The following VPS8 variants were observed in gnomAD, a reference collection of about 807,000 sequenced individuals.
VPS8 encodes the protein vacuolar protein sorting-associated protein 8 homolog.
Under a neutral mutation model 216.4 loss-of-function variants are expected in VPS8, and 129 were observed. The observed-to-expected ratio is 0.60, with a 90% CI of 0.52 to 0.69. The LOEUF is 0.69. Ranked by LOEUF, VPS8 falls within the 30% of genes least tolerant of loss-of-function variation. The pLI, the probability that VPS8 is intolerant of heterozygous loss-of-function variation, is 0.00. For synonymous variants in VPS8, 571 were observed against 565.4 expected (o/e 1.01, Z -0.14); for missense variants, 1,531 against 1,683.5 (o/e 0.91, Z 1.59).
chr3:184,918,066 T>C (rs983502847), intron 28 of VPS8, among the ~76,000 whole-genome samples: 4 of 152,152 alleles, frequency 2.6e-5, no homozygotes, highest in African/African-American at 9.7e-5. Flanking sequence ...TGTTAGTAAA[T>C]TTTGTAGTAA....
In VPS8 at chr3:184,839,721, G is replaced by T; in HGVS notation, c.504G>T (p.Val168=). The change falls in exon 7 of 48, where the codon GTG becomes GTT. Residue 168 remains valine (V), a synonymous_variant. Transcript: ENST00000625842. ...AGGCAGTATCCAGTCTGATAGCAGT[G>T]GGTACATCTCATGGATTGGCTTTAA... is the stretch of plus-strand genomic sequence containing the variant. The part of the protein sequence containing the change: ...TAIAVSSLIA[V]GTSHGLALIF... 1 of 1,606,600 alleles carries T rather than the reference G, an allele frequency of 6.2e-7. No individual in the cohort carries two copies. The highest frequency in any genetic ancestry group is 8.5e-7 in the Non-Finnish European group (1 of 1,176,052).
chr3:184,926,151 G>A (rs566448874), intron 30 of VPS8, among the ~76,000 whole-genome samples: 2 of 150,928 alleles, frequency 1.3e-5, no homozygotes, highest in African/African-American at 2.4e-5. Flanking sequence ...CGAGGCGGGC[G>A]GATCACGAGG....
intron 43 of VPS8, among the ~76,000 whole-genome samples, chr3:184,995,653 T>G (rs2109864977): frequency 6.6e-6 from 1 of 152,268 alleles, no homozygotes; most frequent in South Asian, 2.1e-4. Flanking sequence ...ATGATATATA[T>G]GAATGTTAAG....
At chr3:184,953,621 G>C (rs1056933188) in intron 36 of VPS8, among the ~76,000 whole-genome samples, 1 of 152,106 alleles carries the variant, frequency 6.6e-6, no homozygotes, top group Non-Finnish European at 1.5e-5. Flanking sequence ...TGTGGTGCAG[G>C]TTTCAGAAAA....
intron 45 of VPS8, 24 bp downstream of exon 45, chr3:184,999,885 A>C (rs1296322250): frequency 6.3e-7 from 1 of 1,588,462 alleles, no homozygotes; most frequent in South Asian, 1.2e-5. Flanking sequence ...TCGTGGCAAA[A>C]TGGAAATGGT....
chr3:184,860,757 T>C (rs1414413022), intron 15 of VPS8, among the ~76,000 whole-genome samples: 1 of 152,154 alleles, frequency 6.6e-6, no homozygotes, highest in Non-Finnish European at 1.5e-5. Context: ...AACCTCTTTT[T>C]TTCTTGCGGC....
Position 184,977,219 on chromosome 3 carries a change from A to AT in VPS8, c.3421-5339dup, listed in dbSNP as rs1009717611. ...TCTCTGATGATTAGTGATGCGTAGC[A>AT]TTTTTTTTCATATGTTTATTGGCCA... On this transcript the variant is annotated intron_variant, in intron 40 of 47. Coordinates refer to ENST00000625842, the MANE Select transcript of VPS8 (RefSeq NM_001009921.3). 4.6e-5 allele frequency among the ~76,000 whole-genome samples: 7 copies of AT among 151,870 alleles called. No individual in the cohort carries two copies. In the East Asian group the frequency reaches 1.2e-3, roughly 25 times the overall value.
In VPS8 at chr3:184,838,717, A is replaced by G; in HGVS notation, c.451A>G (p.Lys151Glu). ...CTTTCTTTAAAATTTCATTTAGGAC[A>G]AAGTAGATGCTGGCTTGCCTACAGC... Reference protein sequence around the residue: ...ISAQIVSAADKVDAGLPTAIA... With the variant: ...ISAQIVSAADEVDAGLPTAIA... Residue 151 changes from lysine (K) to glutamate (E), a missense_variant, in exon 6 of 48, where the codon AAA (lysine) becomes GAA (glutamate). By Grantham distance (56) the Lys-to-Glu change is moderately conservative. Transcript: ENST00000625842. 1 of 1,542,268 alleles carries G rather than the reference A, an allele frequency of 6.5e-7. No homozygotes were observed. The highest frequency in any genetic ancestry group is 8.7e-7 in the Non-Finnish European group (1 of 1,144,688).
intron 21 of VPS8, among the ~76,000 whole-genome samples, chr3:184,875,241 G>C (rs532444925): frequency 6.6e-6 from 1 of 152,042 alleles, no homozygotes; most frequent in South Asian, 2.1e-4. Context: ...CCTCCTGCCT[G>C]CTGCCTCAAT....
chr3:184,973,955 A>C (rs149831292), intron 40 of VPS8, among the ~76,000 whole-genome samples: 1 of 152,264 alleles, frequency 6.6e-6, no homozygotes, highest in Non-Finnish European at 1.5e-5. Context: ...GTTGATTGAC[A>C]CTTAGGTTGA....
chr3:185,040,993 A>G (rs1711511897), intron 46 of VPS8, among the ~76,000 whole-genome samples: 2 of 152,196 alleles, frequency 1.3e-5, no homozygotes, highest in Non-Finnish European at 2.9e-5. Context: ...ACCTGAGGTC[A>G]GGAGTTCGAG....
intron 46 of VPS8, 136 bp downstream of exon 46, chr3:185,024,525 T>C: frequency 9.8e-7 from 1 of 1,021,186 alleles, no homozygotes; most frequent in Non-Finnish European, 1.4e-6. Flanking sequence ...TTAGATGCTT[T>C]AATGACATGT....
chr3:184,894,503 C>T (rs1008006777), intron 22 of VPS8, among the ~76,000 whole-genome samples, 200 bp from the exon 23 acceptor site: 42 of 78,346 alleles, frequency 5.4e-4, no homozygotes, highest in African/African-American at 1.9e-3. Flanking sequence ...TGTATATATA[C>T]ACACGTATAT....
At chr3:184,879,938 G>T (rs985380351) in intron 21 of VPS8, among the ~76,000 whole-genome samples, 4 of 152,132 alleles carry the variant, frequency 2.6e-5, no homozygotes, top group African/African-American at 7.2e-5. Context: ...CTAATACTCT[G>T]TTTTACTTAT....
Position 184,826,200 on chromosome 3 carries a change from C to T in VPS8, c.191C>T (p.Thr64Ile). The change falls in exon 3 of 48, where the codon ACT becomes ATT. Residue 64 changes from threonine to isoleucine, a missense_variant. Thr to Ile is a moderately conservative substitution (Grantham distance 89). Transcript: ENST00000625842. ...GAGTTTGATATTCCTCAAGTTGATACTCCTCCAACACTGGAAAGCATACTA... is the reference window on the plus strand; with the variant it reads ...GAGTTTGATATTCCTCAAGTTGATATTCCTCCAACACTGGAAAGCATACTA... ...DKEFDIPQVD[T>I]PPTLESILNE... 6.2e-7 allele frequency: 1 copy of T among 1,611,284 alleles called. No homozygotes were observed. The highest frequency in any genetic ancestry group is 8.5e-7 in the Non-Finnish European group (1 of 1,178,654).
At chr3:185,034,240 G>A (rs1758564065) in intron 46 of VPS8, among the ~76,000 whole-genome samples, 1 of 152,180 alleles carries the variant, frequency 6.6e-6, no homozygotes, top group South Asian at 2.1e-4. Flanking sequence ...TAGCTGTGTA[G>A]TAGTCCATGT....
chr3:184,950,216 C>CTTTTTTTTTTTTTTTT lies in VPS8; in HGVS notation c.3036-7145_3036-7130dup, dbSNP rs10700220. ...AGCAACCACGCCCAGCAGTTTTCTG[C>CTTTTTTTTTTTTTTTT]TTTTTTTTTTTTTTTTTTTTTTTTT... is the stretch of plus-strand genomic sequence containing the variant. On this transcript the variant is annotated intron_variant, in intron 36 of 47. Transcript: ENST00000625842. 5.0e-4 allele frequency among the ~76,000 whole-genome samples: 20 copies of CTTTTTTTTTTTTTTTT among 39,930 alleles called. 6 individuals are homozygous for CTTTTTTTTTTTTTTTT. Among genetic ancestry groups the CTTTTTTTTTTTTTTTT allele is most frequent in the Non-Finnish European group, 6.2e-4 (15 of 24,118 alleles). The allele number at this position is 39,930 out of a possible 152,430, so 26.2% of individuals were successfully genotyped here.
intron 1 of VPS8, among the ~76,000 whole-genome samples, chr3:184,822,460 A>C (rs1254697553): frequency 6.6e-6 from 1 of 152,020 alleles, no homozygotes; most frequent in Non-Finnish European, 1.5e-5. Context: ...AGATAAAAAG[A>C]GCTGGAAAAA....
intron 38 of VPS8, among the ~76,000 whole-genome samples, 196 bp downstream of exon 38, chr3:184,964,753 TA>T (rs1002889391): frequency 6.6e-6 from 1 of 151,968 alleles, no homozygotes; most frequent in Non-Finnish European, 1.5e-5. Flanking sequence ...TGTACAACAG[TA>T]AAAAAAAGTC....
Sources: gnomAD v4.1 joint callset for allele counts (sites outside exome capture counted in the v4.1 genomes callset) on GRCh38, gnomAD v4.1.1 for gene constraint, MANE v1.5 for transcripts, NCBI Gene and HGNC (gene_info 2026-07-23, HGNC 2026-07-21) for gene names.